Variants in NXPH1 observed in about 807,000 individuals in gnomAD.
NXPH1 encodes neurexophilin 1, also known as neurexophilin-1.
A neutral mutation model predicts 23.7 loss-of-function variants in NXPH1; 5 were observed. The observed-to-expected ratio is 0.21, with a 90% CI of 0.11 to 0.44. The LOEUF (loss-of-function observed/expected upper bound fraction) is 0.44, where lower values mean the gene tolerates loss of function less well. Ranked by LOEUF, NXPH1 falls within the 20% of genes least tolerant of loss-of-function variation. The pLI is 0.99. For synonymous variants in NXPH1, 144 were observed against 122.2 expected, an observed-to-expected ratio of 1.18 and a Z score of -1.18; for missense variants, 324 against 321.6, an observed-to-expected ratio of 1.01 and a Z score of -0.06.
At chr7:8,629,677 T>G (rs1820081748) in intron 2 of NXPH1, among the ~76,000 whole-genome samples, 1 of 152,154 alleles carries the variant, frequency 6.6e-6, no homozygotes, top group Non-Finnish European at 1.5e-5. Flanking sequence ...GAAAAATGCT[T>G]TGATTGCTGT....
intron 2 of NXPH1, among the ~76,000 whole-genome samples, chr7:8,616,124 C>A (rs867830860): frequency 6.6e-6 from 1 of 151,922 alleles, no homozygotes; most frequent in African/African-American, 2.4e-5. Flanking sequence ...TTTATAGACC[C>A]CTATGTGATT....
chr7:8,728,216 T>C (rs1400694448), intron 2 of NXPH1, among the ~76,000 whole-genome samples: 1 of 152,242 alleles, frequency 6.6e-6, no homozygotes, highest in Admixed American at 6.5e-5. Flanking sequence ...TGAAGTTGCT[T>C]ATCAGCTTAA....
At chr7:8,497,327 T>G (rs1165603592) in intron 2 of NXPH1, among the ~76,000 whole-genome samples, 1 of 152,190 alleles carries the variant, frequency 6.6e-6, no homozygotes, top group Non-Finnish European at 1.5e-5. Context: ...AACATACGTG[T>G]ACATGTGTCT....
chr7:8,668,806 G>T (rs1162136832), intron 2 of NXPH1, among the ~76,000 whole-genome samples: 1 of 152,196 alleles, frequency 6.6e-6, no homozygotes, highest in African/African-American at 2.4e-5. Context: ...ATTGGGGGCT[G>T]GCCTGGAGCC....
At position 8,462,898 on chromosome 7, in the gene NXPH1, G is replaced by T. The variant is rs142360455; in HGVS notation, c.54+27131G>T. 1.0e-3 allele frequency among the ~76,000 whole-genome samples: 156 copies of T among 152,220 alleles called. 2 individuals are homozygous for T. In the East Asian group the frequency reaches 0.026, roughly 25 times the overall value. On this transcript the variant is annotated intron_variant, in intron 2 of 2. Transcript: ENST00000405863. Reference sequence around the variant, plus strand: ...AAAAGAGGAATTGCTGGATTGAGAGGCTTATTTTATAGTTAGACTAATAAA... The same window carrying T: ...AAAAGAGGAATTGCTGGATTGAGAGTCTTATTTTATAGTTAGACTAATAAA...
intron 2 of NXPH1, among the ~76,000 whole-genome samples, chr7:8,650,691 G>C (rs1036359733): frequency 3.3e-5 from 5 of 152,162 alleles, no homozygotes; most frequent in Admixed American, 3.3e-4. Context: ...CATGGCAACT[G>C]TCTCTCAGCT....
At chr7:8,510,292 T>A (rs1226783358) in intron 2 of NXPH1, among the ~76,000 whole-genome samples, 1 of 152,184 alleles carries the variant, frequency 6.6e-6, no homozygotes, top group Admixed American at 6.5e-5. Flanking sequence ...TAATTACTAA[T>A]GTTTATCATT....
intron 2 of NXPH1, among the ~76,000 whole-genome samples, chr7:8,602,521 G>T (rs527739134): frequency 6.6e-6 from 1 of 152,270 alleles, no homozygotes; most frequent in South Asian, 2.1e-4. Context: ...GGCTAAGGCT[G>T]TTCAAATCCT....
intron 2 of NXPH1, among the ~76,000 whole-genome samples, chr7:8,502,799 G>T (rs552107357): frequency 1.3e-5 from 2 of 151,754 alleles, no homozygotes; most frequent in Non-Finnish European, 2.9e-5. Flanking sequence ...AGAAGTTACT[G>T]CAAGCCCATC....
intron 2 of NXPH1, among the ~76,000 whole-genome samples, chr7:8,560,720 TC>T (rs1431853348): frequency 6.6e-6 from 1 of 151,694 alleles, no homozygotes; most frequent in Admixed American, 6.6e-5. Context: ...TGTGTAACTT[TC>T]CTGGCAGAGT....
At chr7:8,641,577 G>T (rs1363679412) in intron 2 of NXPH1, among the ~76,000 whole-genome samples, 4 of 152,020 alleles carry the variant, frequency 2.6e-5, no homozygotes, top group Non-Finnish European at 5.9e-5. Context: ...CTTCAGCTAT[G>T]TGTATCTGTT....
At chr7:8,705,814 T>C (rs759800500) in intron 2 of NXPH1, among the ~76,000 whole-genome samples, 3 of 152,160 alleles carry the variant, frequency 2.0e-5, no homozygotes, top group Non-Finnish European at 4.4e-5. Flanking sequence ...TATGTCAACA[T>C]TTCTCTCTGC....
chr7:8,728,926 C>G (rs1052926181), intron 2 of NXPH1, among the ~76,000 whole-genome samples: 1 of 149,706 alleles, frequency 6.7e-6, no homozygotes, highest in African/African-American at 2.4e-5. Context: ...ACCAGTTCCT[C>G]CTTGTACCTC....
chr7:8,705,819 C>T (rs767968394), intron 2 of NXPH1, among the ~76,000 whole-genome samples: 1 of 152,170 alleles, frequency 6.6e-6, no homozygotes, highest in African/African-American at 2.4e-5. Context: ...CAACATTTCT[C>T]TCTGCCATAA....
At chr7:8,559,829 A>G (rs748502042) in intron 2 of NXPH1, among the ~76,000 whole-genome samples, 42 of 151,688 alleles carry the variant, frequency 2.8e-4, no homozygotes, top group Admixed American at 5.9e-4. Context: ...GATGTCACCA[A>G]TTTGGAGTGG....
chr7:8,629,581 A>G, intron 2 of NXPH1, among the ~76,000 whole-genome samples: 1 of 152,304 alleles, frequency 6.6e-6, no homozygotes, highest in Middle Eastern at 3.4e-3. Context: ...TGTTATGTAT[A>G]TAAGTCATCG....
chr7:8,587,646 G>A (rs546397781), intron 2 of NXPH1, among the ~76,000 whole-genome samples: 2 of 151,828 alleles, frequency 1.3e-5, no homozygotes, highest in African/African-American at 2.4e-5. Context: ...GCCCCCAACC[G>A]CCCAACAGGC....
intron 2 of NXPH1, among the ~76,000 whole-genome samples, chr7:8,545,127 A>G (rs939415493): frequency 3.3e-5 from 5 of 151,566 alleles, no homozygotes; most frequent in South Asian, 2.1e-4. Flanking sequence ...AGTGCTATCA[A>G]GGGTCCAAAA....
intron 2 of NXPH1, among the ~76,000 whole-genome samples, chr7:8,595,928 G>C (rs1426929356): frequency 6.6e-6 from 1 of 151,932 alleles, no homozygotes; most frequent in Non-Finnish European, 1.5e-5. Flanking sequence ...TAAATAATAG[G>C]TTAAGTGATT....
Sources: gnomAD v4.1 joint callset for allele counts (sites outside exome capture counted in the v4.1 genomes callset) on GRCh38, gnomAD v4.1.1 for gene constraint, MANE v1.5 for transcripts, NCBI Gene and HGNC (gene_info 2026-07-23, HGNC 2026-07-21) for gene names.